The following GUCY1A1 variants were observed in gnomAD, a reference collection of about 807,000 sequenced individuals.
GUCY1A1 encodes the protein guanylate cyclase 1 soluble subunit alpha 1.
GUCY1A1 carries 48 observed loss-of-function variants against 64.5 expected under a neutral mutation model. The ratio of observed to expected loss-of-function variants is 0.74; its 90% CI spans 0.59 to 0.95. The LOEUF (loss-of-function observed/expected upper bound fraction) is 0.95. GUCY1A1 is among the 40% of genes least tolerant of loss of function. GUCY1A1 has a pLI of 0.00. For synonymous variants in GUCY1A1, 308 were observed against 303.4 expected (o/e 1.02, Z -0.16); for missense variants, 804 against 825.3 (o/e 0.97, Z 0.32).
intron 2 of GUCY1A1, among the ~76,000 whole-genome samples, chr4:155,670,115 T>C (rs903169725): frequency 6.6e-6 from 1 of 152,224 alleles, no homozygotes. Context: ...TCAGATTCAC[T>C]AAGAAGTTGC....
In GUCY1A1 at chr4:155,680,863, A is replaced by C. The variant is rs943694905; in HGVS notation, c.-113+13444A>C. Among the ~76,000 whole-genome samples the C allele has an allele frequency of 3.3e-5, 5 of 151,794 alleles. No individual in the cohort carries two copies. In the East Asian group the frequency reaches 5.8e-4, roughly 18 times the overall value. ...ATCTGGGATGGCAGAGGCAGAAGAA[A>C]ATTTGCATATGAGTGGACCCATGGA... On this transcript the variant is annotated intron_variant, in intron 2 of 9. Transcript: ENST00000506455.
chr4:155,718,816 A>G (rs1733596435), intron 8 of GUCY1A1, among the ~76,000 whole-genome samples: 1 of 152,206 alleles, frequency 6.6e-6, no homozygotes, highest in African/African-American at 2.4e-5. Context: ...GAGCAATCAC[A>G]AGTCTGCCCA....
intron 2 of GUCY1A1, among the ~76,000 whole-genome samples, chr4:155,694,999 G>A (rs914802751): frequency 3.3e-5 from 5 of 152,172 alleles, no homozygotes; most frequent in South Asian, 2.1e-4. Flanking sequence ...GAGGTAGACC[G>A]CTTCCATTCT....
chr4:155,698,003 A>G (rs2126750496), intron 3 of GUCY1A1, among the ~76,000 whole-genome samples: 1 of 152,214 alleles, frequency 6.6e-6, no homozygotes, highest in East Asian at 1.9e-4. Flanking sequence ...GATAATTTTT[A>G]ATTGACTCAA....
chr4:155,709,747 C>T (rs963944437), intron 5 of GUCY1A1, among the ~76,000 whole-genome samples: 3 of 151,980 alleles, frequency 2.0e-5, no homozygotes, highest in African/African-American at 7.2e-5. Flanking sequence ...GCATAAGAAT[C>T]ACCTAAACCT....
chr4:155,703,458 G>A (rs1731352293), intron 3 of GUCY1A1, among the ~76,000 whole-genome samples: 1 of 152,212 alleles, frequency 6.6e-6, no homozygotes, highest in African/African-American at 2.4e-5. Context: ...CACTGGGGCA[G>A]CTGGGTGTGG....
At chr4:155,727,579 T>C (rs1734890153) in intron 9 of GUCY1A1, among the ~76,000 whole-genome samples, 1 of 151,784 alleles carries the variant, frequency 6.6e-6, no homozygotes, top group Non-Finnish European at 1.5e-5. Context: ...GAAAAAATAA[T>C]AGATAAATTT....
chr4:155,722,896 G>A (rs1734151715), intron 9 of GUCY1A1, among the ~76,000 whole-genome samples: 1 of 152,044 alleles, frequency 6.6e-6, no homozygotes, highest in South Asian at 2.1e-4. Flanking sequence ...AGCTCCACCT[G>A]ATTGAGCTTT....
chr4:155,732,211 G>A lies in GUCY1A1; in HGVS notation c.*1980G>A, dbSNP rs1735630796. 6.6e-6 allele frequency: 1 copy of A among 151,850 alleles called. No homozygotes were observed. 9.4% of individuals were successfully genotyped at this position (151,850 alleles called of 1,614,324 possible). ...AAAAAGTATTTTGTGTGTTTGTGAT[G>A]TATTAGCATATACACAAAACAAATG... is the stretch of plus-strand genomic sequence containing the variant. On this transcript the variant is annotated 3_prime_UTR_variant, in exon 10 of 10. Transcript: ENST00000506455.
At position 155,730,387 on chromosome 4, in the gene GUCY1A1, TATG is replaced by T; in HGVS notation, c.*157_*159del. 4 of 77,860 alleles carry T rather than the reference TATG, an allele frequency of 5.1e-5. No individual in the cohort carries two copies. The highest frequency in any genetic ancestry group is 2.2e-4 in the South Asian group (1 of 4,476). The allele number at this position is 77,860 out of a possible 1,614,324, so 4.8% of individuals were successfully genotyped here. A position where few individuals can be genotyped will look rare whatever the true frequency, so the allele number is the denominator to read the frequency against. On this transcript the variant is annotated 3_prime_UTR_variant, in exon 10 of 10. Coordinates refer to ENST00000506455, the MANE Select transcript of GUCY1A1 (RefSeq NM_001130682.3). ...TTCTCCTGTTTAACATGACAAAATG[TATG>T]TACTCACTTCAGTACTTCAGCTCTT...
At chr4:155,683,584 T>C (rs984640982) in intron 2 of GUCY1A1, among the ~76,000 whole-genome samples, 1 of 152,194 alleles carries the variant, frequency 6.6e-6, no homozygotes, top group African/African-American at 2.4e-5. Flanking sequence ...GAAAGTTATT[T>C]AGAAAATGTG....
rs2110826197 is a variant in GUCY1A1, at chr4:155,732,788, GTTTCTCCTGAAAATGCAGGAGC to G, written c.*2559_*2580del. ...CTCAAGACTGCTTCCCTAACAGACT[GTTTCTCCTGAAAATGCAGGAGC>G]TATTCTTTCTGTTCTGGTTATATAG... is the stretch of plus-strand genomic sequence containing the variant. On this transcript the variant is annotated 3_prime_UTR_variant, in exon 10 of 10. Coordinates refer to ENST00000506455, the MANE Select transcript of GUCY1A1 (RefSeq NM_001130682.3). 6.6e-6 allele frequency among the ~76,000 whole-genome samples: 1 copy of G among 151,984 alleles called. No individual in the cohort carries two copies. The highest frequency in any genetic ancestry group is 2.1e-4 in the South Asian group (1 of 4,820).
At chr4:155,678,296 T>C (rs1735238925) in intron 2 of GUCY1A1, among the ~76,000 whole-genome samples, 1 of 152,208 alleles carries the variant, frequency 6.6e-6, no homozygotes, top group Non-Finnish European at 1.5e-5. Flanking sequence ...GTTCTGACCA[T>C]GCATATCCTC....
chr4:155,672,371 T>G (rs2126510932), intron 2 of GUCY1A1, among the ~76,000 whole-genome samples: 1 of 152,312 alleles, frequency 6.6e-6, no homozygotes, highest in Non-Finnish European at 1.5e-5. Context: ...TACGTTAGAC[T>G]CCTGCTTTAC....
intron 2 of GUCY1A1, among the ~76,000 whole-genome samples, chr4:155,684,156 C>A (rs1579019732): frequency 6.6e-6 from 1 of 152,122 alleles, no homozygotes; most frequent in African/African-American, 2.4e-5. Context: ...TTTGGTATTT[C>A]TTTAAATTTT....
intron 7 of GUCY1A1, among the ~76,000 whole-genome samples, chr4:155,715,807 ATAAACT>A (rs1452386428): frequency 3.3e-5 from 5 of 152,226 alleles, no homozygotes. Context: ...AATAAACTAG[ATAAACT>A]CAAAGGGCTT....
intron 3 of GUCY1A1, among the ~76,000 whole-genome samples, chr4:155,703,157 A>T (rs1731316017): frequency 6.6e-6 from 1 of 152,134 alleles, no homozygotes; most frequent in South Asian, 2.1e-4. Context: ...CTCAACATGT[A>T]TTTATTAAGT....
At chr4:155,668,677 A>C (rs756094464) in intron 2 of GUCY1A1, among the ~76,000 whole-genome samples, 59 of 152,170 alleles carry the variant, frequency 3.9e-4, no homozygotes, top group Non-Finnish European at 6.9e-4. Context: ...ATTGCTATAC[A>C]TATTTTTTCT....
chr4:155,673,905 G>A (rs1215584727), intron 2 of GUCY1A1, among the ~76,000 whole-genome samples: 2 of 151,410 alleles, frequency 1.3e-5, no homozygotes, highest in African/African-American at 4.9e-5. Flanking sequence ...AACACATTGT[G>A]CTTCCTTTGT....
Sources: allele counts gnomAD v4.1 joint callset (sites outside exome capture counted in the v4.1 genomes callset), GRCh38; gene constraint gnomAD v4.1.1; transcripts MANE v1.5; gene names NCBI Gene and HGNC (gene_info 2026-07-23, HGNC 2026-07-21).